UBR4: variants seen among roughly 807,000 people sequenced by gnomAD.
UBR4 encodes the protein ubiquitin protein ligase E3 component n-recognin 4, also known as E3 ubiquitin-protein ligase UBR4.
UBR4 carries 124 observed loss-of-function variants against 575.6 expected under a neutral mutation model. The ratio of observed to expected loss-of-function variants is 0.22; its 90% CI spans 0.19 to 0.25. The LOEUF (loss-of-function observed/expected upper bound fraction) is 0.25. Ranked by LOEUF, UBR4 falls within the 10% of genes least tolerant of loss-of-function variation. The pLI, the probability that UBR4 is intolerant of heterozygous loss-of-function variation, is 1.00. For missense variants in UBR4, 4,818 were observed against 6,478.8 expected, an observed-to-expected ratio of 0.74 and a Z score of 8.80; for synonymous variants, 2,455 against 2,473.7, an observed-to-expected ratio of 0.99 and a Z score of 0.22.
chr1:19,087,852 G>T lies in UBR4; in HGVS notation c.14508C>A (p.Leu4836=). Residue 4836 remains leucine (L), a synonymous_variant, in exon 99 of 106, where the codon CTC becomes CTA. Transcript: ENST00000375254. ...ATCCCTCCCTGCAGATGCAGCACGT[G>T]AGGCCAGGCTCCTCGATCAGCTCTT... ...QMEELIEEPG[L]TCCICREGYK... The T allele has an allele frequency of 6.2e-7, 1 of 1,611,594 alleles. No homozygotes were observed. Among genetic ancestry groups the T allele is most frequent in the Non-Finnish European group, 8.5e-7 (1 of 1,178,768 alleles).
At position 19,127,151 on chromosome 1, in the gene UBR4, G is replaced by A. The variant is rs554694765; in HGVS notation, c.9228+472C>T. Among the ~76,000 whole-genome samples, 15 of 152,246 alleles carry A rather than the reference G, an allele frequency of 9.9e-5. No individual in the cohort carries two copies. The South Asian group carries it at 3.1e-3, about 32-fold the overall frequency. On this transcript the variant is annotated intron_variant, in intron 63 of 105. Transcript: ENST00000375254. ...AAAGGAGAAAAGCTACTGTAAATAA[G>A]ACCATTAGAAGAGCCTTGCAAATCC...
chr1:19,159,655 T>C (rs1434366839), intron 39 of UBR4, among the ~76,000 whole-genome samples: 1 of 148,750 alleles, frequency 6.7e-6, no homozygotes, highest in Non-Finnish European at 1.5e-5. Context: ...CAGGCTGGAG[T>C]GCAGTGCTAC....
In UBR4 at chr1:19,095,237, G is replaced by A. The variant is rs188159377; in HGVS notation, c.13627-212C>T. On this transcript the variant is annotated intron_variant, in intron 93 of 105. Transcript: ENST00000375254. ...AGGCAGCTTTGCTGCCCCAAGGAGA[G>A]GGGCACTTCTTTCCCACTGGTGTGT... Among the ~76,000 whole-genome samples, 253 of 152,336 alleles carry A rather than the reference G, an allele frequency of 1.7e-3. 6 individuals are homozygous for A. The South Asian group carries it at 0.025, about 15-fold the overall frequency.
chr1:19,169,562 T>G, intron 26 of UBR4, 30 bp from the exon 27 acceptor site: 1 of 1,596,758 alleles, frequency 6.3e-7, no homozygotes, highest in East Asian at 2.2e-5. Context: ...CAAGGAATCA[T>G]CACAAGAAAG....
chr1:19,105,659 T>C, intron 84 of UBR4, 74 bp downstream of exon 84: 2 of 1,160,328 alleles, frequency 1.7e-6, no homozygotes, highest in Non-Finnish European at 1.2e-6. Flanking sequence ...CCCTGATCCA[T>C]GGATTCCCCG....
intron 99 of UBR4, among the ~76,000 whole-genome samples, chr1:19,087,388 C>G (rs910406640): frequency 3.9e-5 from 6 of 152,234 alleles, no homozygotes; most frequent in African/African-American, 1.4e-4. Flanking sequence ...CTGATTTTCT[C>G]CCCAGTTACC....
intron 38 of UBR4, 98 bp downstream of exon 38, chr1:19,160,819 A>C (rs2087220513): frequency 8.6e-7 from 1 of 1,168,978 alleles, no homozygotes; most frequent in Non-Finnish European, 1.2e-6. Flanking sequence ...AAAGGAGAAA[A>C]TGAGTTGCAA....
rs79941340 is a variant in UBR4 at position 19,154,350 on chromosome 1, G to C, written c.6459-411C>G. Among the ~76,000 whole-genome samples the C allele has an allele frequency of 1.8e-3, 276 of 152,352 alleles. 8 individuals are homozygous for C. In the East Asian group the frequency reaches 0.042, roughly 23 times the overall value. ...ATGTAATTCCCAAAGAAAGGTCTGA[G>C]AGAAAGTGCTACAATGGGTCATCAA... On this transcript the variant is annotated intron_variant, in intron 44 of 105. Transcript: ENST00000375254.
At chr1:19,149,555 G>C (rs117015257) in intron 49 of UBR4, among the ~76,000 whole-genome samples, 2 of 152,106 alleles carry the variant, frequency 1.3e-5, no homozygotes, top group African/African-American at 2.4e-5. Flanking sequence ...GAGAGTGTCC[G>C]ACATGGCCAA....
At chr1:19,121,468 G>C in intron 67 of UBR4, 34 bp from the exon 68 acceptor site, 1 of 1,598,150 alleles carries the variant, frequency 6.3e-7, no homozygotes. Flanking sequence ...TCACCTCTGA[G>C]ACGACCTCAA....
At chr1:19,095,133 TGTGTGTATGACC>T in intron 93 of UBR4, 108 bp from the exon 94 acceptor site, 1 of 1,516,606 alleles carries the variant, frequency 6.6e-7, no homozygotes, top group Non-Finnish European at 9.1e-7. Context: ...CCAGAGACCA[TGTGTGTATGACC>T]GTGTGTATGT....
intron 11 of UBR4, among the ~76,000 whole-genome samples, chr1:19,189,885 C>A (rs1242565777): frequency 2.0e-5 from 3 of 152,258 alleles, no homozygotes; most frequent in East Asian, 3.9e-4. Context: ...TATCAACTTA[C>A]CATGTCAATA....
intron 49 of UBR4, 45 bp from the exon 50 acceptor site, chr1:19,148,671 C>T (rs558418670): frequency 2.8e-5 from 45 of 1,608,118 alleles, no homozygotes; most frequent in African/African-American, 6.7e-5. Flanking sequence ...CCGTTCTCTC[C>T]GCCTTGCGCT....
Position 19,081,499 on chromosome 1 carries a change from C to G in UBR4, c.15083G>C (p.Ser5028Thr). 6.2e-7 allele frequency: 1 copy of G among 1,613,964 alleles called. No individual in the cohort carries two copies. The highest frequency in any genetic ancestry group is 8.5e-7 in the Non-Finnish European group (1 of 1,180,012). ...LEQPKEKWVE[S>T]AFEVDGPYYF... ...GTAGGGCCCGTCCACTTCAAAGGCA[C>G]TCTCCACCCACTTCTCCTTGGGCTG... Residue 5028 changes from serine to threonine, a missense_variant, in exon 103 of 106, where the codon AGT becomes ACT. Physicochemically the swap from Ser to Thr is moderately conservative, Grantham distance 58 (BLOSUM62 1). Transcript: ENST00000375254.
At chr1:19,189,359 C>T (rs1461887540) in intron 11 of UBR4, among the ~76,000 whole-genome samples, 1 of 152,104 alleles carries the variant, frequency 6.6e-6, no homozygotes, top group African/African-American at 2.4e-5. Context: ...AATTAAGTTC[C>T]CAAAAGTTTA....
chr1:19,074,825 G>T lies in UBR4; in HGVS notation c.*7C>A, dbSNP rs760241790. The T allele has an allele frequency of 6.2e-7, 1 of 1,613,952 alleles. No homozygotes were observed. The highest frequency in any genetic ancestry group is 8.5e-7 in the Non-Finnish European group (1 of 1,179,998). On this transcript the variant is annotated 3_prime_UTR_variant, in exon 106 of 106. Transcript: ENST00000375254. ...TCGTCTTCGCCGCCGCAGCTGCTGTGTGGTGGTCAGGGGACTGAGTTCAAC... is the reference window on the plus strand; with the variant it reads ...TCGTCTTCGCCGCCGCAGCTGCTGTTTGGTGGTCAGGGGACTGAGTTCAAC...
Position 19,093,467 on chromosome 1 carries a change from C to T in UBR4, c.13957G>A (p.Gly4653Ser). The T allele has an allele frequency of 6.8e-6, 11 of 1,614,138 alleles. No individual in the cohort carries two copies. Among genetic ancestry groups the T allele is most frequent in the Non-Finnish European group, 9.3e-6 (11 of 1,180,008 alleles). The change falls in exon 96 of 106, where the codon GGT becomes AGT. Residue 4653 changes from glycine (G) to serine (S), a missense_variant. This residue lies in a region of UBR4 where 165 missense variants were observed against 282.3 expected (regional missense o/e 0.58). Coordinates refer to ENST00000375254, the MANE Select transcript of UBR4 (RefSeq NM_020765.3). The surrounding 1 kb of genome is among the most constrained non-coding windows in gnomAD (Gnocchi z 4.8). ...CAGTCCAGGAAGACTTTATCATCAC[C>T]ACTGTGATCTTCATCATATCTAGGA... ...NFDKYDEDHSGDDKVFLDCFC... is the reference protein window; with the variant it reads ...NFDKYDEDHSSDDKVFLDCFC...
In UBR4 at chr1:19,110,495, A is replaced by G; in HGVS notation, c.11893-31T>C. On this transcript the variant is annotated intron_variant, in intron 79 of 105. Coordinates refer to ENST00000375254, the MANE Select transcript of UBR4 (RefSeq NM_020765.3). This position sits in a 1 kb window ranked among gnomAD's most constrained non-coding sequence, Gnocchi z 4.5. ...AGGCAATGGGAAGAGACATGAGTCA[A>G]GAGGGTCAGCTCCGGTCCAGCGACT... is the stretch of plus-strand genomic sequence containing the variant. The G allele has an allele frequency of 1.9e-6, 3 of 1,609,080 alleles. No individual in the cohort carries two copies. The highest frequency in any genetic ancestry group is 2.6e-6 in the Non-Finnish European group (3 of 1,175,974).
At chr1:19,101,717 A>G in intron 87 of UBR4, 76 bp from the exon 88 acceptor site, 1 of 1,547,220 alleles carries the variant, frequency 6.5e-7, no homozygotes, top group East Asian at 2.3e-5. Flanking sequence ...TAACTGAAGT[A>G]CCATCACTGA....
Sources: allele counts gnomAD v4.1 joint callset (sites outside exome capture counted in the v4.1 genomes callset), GRCh38; gene constraint gnomAD v4.1.1; regional missense constraint gnomAD v4.1.1; non-coding constraint Gnocchi (gnomAD v3.1); transcripts MANE v1.5; gene names NCBI Gene and HGNC (gene_info 2026-07-23, HGNC 2026-07-21).